TLE1: variants seen among roughly 807,000 people sequenced by gnomAD.
The protein encoded by TLE1 is TLE family member 1, transcriptional corepressor, also known as transducin-like enhancer protein 1.
In TLE1, 21 loss-of-function variants were observed where a neutral mutation model predicts 89.8. The ratio of observed to expected loss-of-function variants is 0.23; its 90% CI spans 0.17 to 0.34. The LOEUF (loss-of-function observed/expected upper bound fraction) is 0.34, where lower values mean the gene tolerates loss of function less well. Among genes scored for constraint, TLE1 ranks in the 10% least tolerant of loss-of-function variants. The pLI is 1.00. For synonymous variants in TLE1, 447 were observed against 407.6 expected (o/e 1.10, Z -1.16); for missense variants, 795 against 1,031.2 (o/e 0.77, Z 3.14).
At chr9:81,620,902 C>T in intron 8 of TLE1, 2 of 564,634 alleles carry the variant, frequency 3.5e-6, no homozygotes, top group Non-Finnish European at 6.6e-6. Context: ...GTCAGGAATA[C>T]GAATGGCCTA....
At chr9:81,660,916 G>A (rs1327777003) in intron 4 of TLE1, among the ~76,000 whole-genome samples, 1 of 140,052 alleles carries the variant, frequency 7.1e-6, no homozygotes, top group African/African-American at 2.6e-5. Flanking sequence ...CTAACACGGT[G>A]AAACCCCATC....
intron 8 of TLE1, among the ~76,000 whole-genome samples, chr9:81,625,931 A>AAAAAAAAAAAAAAC (rs1825846705): frequency 6.6e-6 from 1 of 151,206 alleles, no homozygotes; most frequent in African/African-American, 2.4e-5. Flanking sequence ...AAAAAAAAAA[A>AAAAAAAAAAAAAAC]AAGCAACTTT....
chr9:81,671,203 A>C (rs546676983), intron 4 of TLE1, among the ~76,000 whole-genome samples: 1 of 152,114 alleles, frequency 6.6e-6, no homozygotes, highest in East Asian at 1.9e-4. Flanking sequence ...TACAGATTTA[A>C]CAACCAGTTC....
chr9:81,635,854 C>G (rs1418729781), intron 6 of TLE1, among the ~76,000 whole-genome samples: 5 of 152,164 alleles, frequency 3.3e-5, no homozygotes, highest in Admixed American at 2.6e-4. Context: ...AGCACTCCAA[C>G]TTTTCTAAAA....
chr9:81,684,068 T>C (rs1037575950), intron 4 of TLE1, among the ~76,000 whole-genome samples: 9 of 151,796 alleles, frequency 5.9e-5, no homozygotes, highest in African/African-American at 1.7e-4. Flanking sequence ...TTTGAGTTTA[T>C]GGGTTTAAGA....
chr9:81,671,535 C>T (rs763272010), intron 4 of TLE1, among the ~76,000 whole-genome samples: 10 of 151,978 alleles, frequency 6.6e-5, no homozygotes, highest in South Asian at 2.1e-4. Flanking sequence ...ATCCCAGCTA[C>T]TCGAGAGGCC....
chr9:81,599,919 C>A (rs572238355), intron 14 of TLE1: 2 of 501,342 alleles, frequency 4.0e-6, no homozygotes, highest in Non-Finnish European at 7.3e-6. Context: ...TTTTTAAAGG[C>A]AAATACAAAA....
At chr9:81,649,691 A>G (rs1176782305) in intron 6 of TLE1, among the ~76,000 whole-genome samples, 2 of 152,156 alleles carry the variant, frequency 1.3e-5, no homozygotes, top group African/African-American at 4.8e-5. Flanking sequence ...GCTGCTATCA[A>G]ACCAGGCTGC....
intron 4 of TLE1, among the ~76,000 whole-genome samples, chr9:81,674,039 C>T (rs1467526133): frequency 6.6e-6 from 1 of 152,116 alleles, no homozygotes; most frequent in African/African-American, 2.4e-5. Flanking sequence ...TCCATAGAGG[C>T]CTTTCAAATG....
intron 14 of TLE1, among the ~76,000 whole-genome samples, chr9:81,600,999 T>C (rs530487884): frequency 8.5e-5 from 13 of 152,310 alleles, no homozygotes; most frequent in Middle Eastern, 3.4e-3. Context: ...CAATAAATCA[T>C]GGGATTTCTC....
At chr9:81,608,659 G>A (rs1823287657) in intron 14 of TLE1, among the ~76,000 whole-genome samples, 1 of 152,140 alleles carries the variant, frequency 6.6e-6, no homozygotes, top group Non-Finnish European at 1.5e-5. Flanking sequence ...AAAATCAGCT[G>A]GGCACGGTGG....
chr9:81,668,927 GCTC>G (rs1383298433), intron 4 of TLE1, among the ~76,000 whole-genome samples: 1 of 151,976 alleles, frequency 6.6e-6, no homozygotes, highest in Non-Finnish European at 1.5e-5. Flanking sequence ...CAATTTATAT[GCTC>G]CTGTGTGTTT....
chr9:81,664,110 C>T (rs1476856489), intron 4 of TLE1, among the ~76,000 whole-genome samples: 1 of 152,002 alleles, frequency 6.6e-6, no homozygotes, highest in Non-Finnish European at 1.5e-5. Flanking sequence ...CTGAAGATGA[C>T]GTCTTATTTT....
At chr9:81,671,277 G>C (rs757739432) in intron 4 of TLE1, among the ~76,000 whole-genome samples, 3 of 152,170 alleles carry the variant, frequency 2.0e-5, no homozygotes, top group Non-Finnish European at 2.9e-5. Flanking sequence ...ACTTTGGAAG[G>C]CTGAAGCGGG....
At chr9:81,590,004 A>G (rs1295668382) in intron 16 of TLE1, among the ~76,000 whole-genome samples, 4 of 152,230 alleles carry the variant, frequency 2.6e-5, no homozygotes, top group African/African-American at 9.7e-5. Flanking sequence ...TTCTCTGTGC[A>G]GCATGAGAGG....
At chr9:81,617,402 C>T (rs1326474178) in intron 9 of TLE1, among the ~76,000 whole-genome samples, 1 of 152,102 alleles carries the variant, frequency 6.6e-6, no homozygotes, top group Non-Finnish European at 1.5e-5. Flanking sequence ...GGAAAAGATT[C>T]GGAAAAGCTG....
chr9:81,604,254 A>G (rs891173699), intron 14 of TLE1, among the ~76,000 whole-genome samples: 1 of 152,092 alleles, frequency 6.6e-6, no homozygotes. Flanking sequence ...GGGGTCCCCT[A>G]TGCCTATGCA....
At chr9:81,674,061 G>A (rs776436394) in intron 4 of TLE1, among the ~76,000 whole-genome samples, 19 of 151,986 alleles carry the variant, frequency 1.3e-4, no homozygotes, top group Non-Finnish European at 2.2e-4. Context: ...CACAAATAAC[G>A]GTGGCTGCAT....
At position 81,688,540 on chromosome 9, in the gene TLE1, G is replaced by A. The variant is rs530413446; in HGVS notation, c.-300C>T. ...CTCGGGGACTGTGCGCGGGGGCAGC[G>A]CTCCAACCCCCGGCCTCAGCTGCCC... is the stretch of plus-strand genomic sequence containing the variant. On this transcript the variant is annotated 5_prime_UTR_variant, in exon 1 of 20. Transcript: ENST00000376499. 1 of 331,104 alleles carries A rather than the reference G, an allele frequency of 3.0e-6. No homozygotes were observed. Among genetic ancestry groups the A allele is most frequent in the Non-Finnish European group, 5.4e-6 (1 of 184,580 alleles). 20.5% of individuals were successfully genotyped at this position (331,104 alleles called of 1,614,324 possible). A position where few individuals can be genotyped will look rare whatever the true frequency, so the allele number is the denominator to read the frequency against.
Sources: allele counts gnomAD v4.1 joint callset (sites outside exome capture counted in the v4.1 genomes callset), GRCh38; gene constraint gnomAD v4.1.1; transcripts MANE v1.5; gene names NCBI Gene and HGNC (gene_info 2026-07-23, HGNC 2026-07-21).